KCNJ6: variants seen among roughly 807,000 people sequenced by gnomAD.
KCNJ6 encodes the protein potassium inwardly rectifying channel subfamily J member 6.
Under a neutral mutation model 34.2 loss-of-function variants are expected in KCNJ6, and 9 were observed. The ratio of observed to expected loss-of-function variants is 0.26; its 90% CI spans 0.16 to 0.46. KCNJ6 has a LOEUF of 0.46. KCNJ6 is among the 20% of genes least tolerant of loss of function. The pLI, the probability that KCNJ6 is intolerant of heterozygous loss-of-function variation, is 1.00. For synonymous variants in KCNJ6, 196 were observed against 207.1 expected (o/e 0.95, Z 0.46); for missense variants, 236 against 531.3 (o/e 0.44, Z 5.46).
At chr21:37,661,614 GTTTTTTTTT>G (rs59026391) in intron 3 of KCNJ6, among the ~76,000 whole-genome samples, 3 of 71,172 alleles carry the variant, frequency 4.2e-5, no homozygotes, top group Admixed American at 1.8e-4. Context: ...AAGAGACATA[GTTTTTTTTT>G]TTTTTTTTTT....
At chr21:37,708,151 C>G (rs909336947) in intron 3 of KCNJ6, among the ~76,000 whole-genome samples, 2 of 152,084 alleles carry the variant, frequency 1.3e-5, no homozygotes, top group African/African-American at 4.8e-5. Flanking sequence ...CAATTTTTGC[C>G]TTTTTCAATC....
At chr21:37,637,831 C>T (rs948412242) in intron 3 of KCNJ6, among the ~76,000 whole-genome samples, 2 of 152,180 alleles carry the variant, frequency 1.3e-5, no homozygotes, top group African/African-American at 4.8e-5. Flanking sequence ...TCTACATGCA[C>T]ACAGAAGAGG....
intron 3 of KCNJ6, among the ~76,000 whole-genome samples, chr21:37,661,197 C>T (rs2054486596): frequency 6.6e-6 from 1 of 152,178 alleles, no homozygotes; most frequent in Admixed American, 6.5e-5. Flanking sequence ...AAGACCCCCT[C>T]CCCACTCCCA....
chr21:37,711,797 A>T (rs945791621), intron 3 of KCNJ6, among the ~76,000 whole-genome samples: 6 of 142,720 alleles, frequency 4.2e-5, no homozygotes, highest in Non-Finnish European at 3.1e-5. Context: ...ACTTTCTAGA[A>T]CCCCCCCCCC....
At chr21:37,669,740 T>C (rs925016443) in intron 3 of KCNJ6, among the ~76,000 whole-genome samples, 1 of 152,212 alleles carries the variant, frequency 6.6e-6, no homozygotes. Flanking sequence ...CACAGAATTG[T>C]AGCTGGAATA....
rs968621831 is a variant in KCNJ6 at position 37,854,720 on chromosome 21, T to G, written c.-27-14011A>C. Among the ~76,000 whole-genome samples the G allele has an allele frequency of 1.9e-4, 27 of 145,382 alleles. 1 individual carries two copies. Among genetic ancestry groups the G allele is most frequent in the Non-Finnish European group, 4.6e-5 (3 of 65,514 alleles). On this transcript the variant is annotated intron_variant, in intron 1 of 3. Transcript: ENST00000609713. ...ATACCCTGACTTGATCATTCCACAT[T>G]GTATGTATCTATCAAAATATCACAT...
At chr21:37,642,522 C>T (rs1175690432) in intron 3 of KCNJ6, among the ~76,000 whole-genome samples, 1 of 152,016 alleles carries the variant, frequency 6.6e-6, no homozygotes, top group African/African-American at 2.4e-5. Context: ...AAAGAGGGAG[C>T]CAGTGAGGTG....
intron 3 of KCNJ6, among the ~76,000 whole-genome samples, chr21:37,678,499 C>T (rs1457425467): frequency 6.6e-6 from 1 of 152,132 alleles, no homozygotes; most frequent in African/African-American, 2.4e-5. Flanking sequence ...TTGCATAATT[C>T]CCAGAAATAC....
chr21:37,890,377 G>A (rs1258317376), intron 1 of KCNJ6, among the ~76,000 whole-genome samples: 3 of 152,236 alleles, frequency 2.0e-5, no homozygotes, highest in African/African-American at 4.8e-5. Flanking sequence ...TGGGGATTAC[G>A]GGGACTACAA....
chr21:37,880,409 G>A (rs2055701791), intron 1 of KCNJ6, among the ~76,000 whole-genome samples: 1 of 152,242 alleles, frequency 6.6e-6, no homozygotes, highest in Non-Finnish European at 1.5e-5. Flanking sequence ...CATCTACAAA[G>A]GGCATGGGCC....
intron 2 of KCNJ6, among the ~76,000 whole-genome samples, chr21:37,795,488 C>T (rs1279879028): frequency 6.6e-6 from 1 of 152,038 alleles, no homozygotes; most frequent in East Asian, 1.9e-4. Flanking sequence ...TTCATGGCTG[C>T]AATCCTAACA....
At chr21:37,626,333 C>T (rs1198080805) in intron 3 of KCNJ6, among the ~76,000 whole-genome samples, 2 of 152,074 alleles carry the variant, frequency 1.3e-5, no homozygotes, top group Admixed American at 6.6e-5. Context: ...GGAGTTTCAT[C>T]GTGTTGCCCA....
At chr21:37,686,305 A>T (rs890875896) in intron 3 of KCNJ6, among the ~76,000 whole-genome samples, 1 of 152,154 alleles carries the variant, frequency 6.6e-6, no homozygotes, top group African/African-American at 2.4e-5. Context: ...AGACTGAAGC[A>T]GATGGAGGGA....
intron 3 of KCNJ6, among the ~76,000 whole-genome samples, chr21:37,641,556 A>G (rs2054381067): frequency 6.6e-6 from 1 of 152,084 alleles, no homozygotes; most frequent in Non-Finnish European, 1.5e-5. Flanking sequence ...GTGACATTTG[A>G]GCTAAGATTT....
At chr21:37,691,795 C>G (rs2054641081) in intron 3 of KCNJ6, among the ~76,000 whole-genome samples, 1 of 150,868 alleles carries the variant, frequency 6.6e-6, no homozygotes. Context: ...AAAGCACAGC[C>G]GTTAGAACTC....
At chr21:37,679,522 G>A (rs1479415734) in intron 3 of KCNJ6, among the ~76,000 whole-genome samples, 1 of 152,232 alleles carries the variant, frequency 6.6e-6, no homozygotes, top group Non-Finnish European at 1.5e-5. Context: ...AATACTCAAT[G>A]AATGTTAGTT....
chr21:37,853,522 C>G (rs1037745537), intron 1 of KCNJ6, among the ~76,000 whole-genome samples: 1 of 151,988 alleles, frequency 6.6e-6, no homozygotes, highest in African/African-American at 2.4e-5. Context: ...CAGACCTACC[C>G]TGAAAGAAAG....
At chr21:37,897,660 T>C (rs546348581) in intron 1 of KCNJ6, among the ~76,000 whole-genome samples, 1 of 152,238 alleles carries the variant, frequency 6.6e-6, no homozygotes, top group East Asian at 1.9e-4. Flanking sequence ...CCCTCACTTT[T>C]CTAAGCCTCT....
At chr21:37,659,426 G>A (rs904360637) in intron 3 of KCNJ6, among the ~76,000 whole-genome samples, 4 of 152,232 alleles carry the variant, frequency 2.6e-5, no homozygotes, top group Non-Finnish European at 4.4e-5. Context: ...ACACATGGCA[G>A]GTCCTTTGCA....
Sources: gnomAD v4.1 joint callset for allele counts (sites outside exome capture counted in the v4.1 genomes callset) on GRCh38, gnomAD v4.1.1 for gene constraint, MANE v1.5 for transcripts, NCBI Gene and HGNC (gene_info 2026-07-23, HGNC 2026-07-21) for gene names.